The following ATXN10 variants were observed in gnomAD, a reference collection of about 807,000 sequenced individuals.
ATXN10 encodes ataxin 10.
A neutral mutation model predicts 52.9 loss-of-function variants in ATXN10; 28 were observed. The ratio of observed to expected loss-of-function variants is 0.53; its 90% CI spans 0.39 to 0.73. ATXN10 has a LOEUF of 0.73. Ranked by LOEUF, ATXN10 falls within the 30% of genes least tolerant of loss-of-function variation. The probability of loss-of-function intolerance (pLI) is 0.00; values close to 1 mark genes in which losing one functional copy is unlikely to be tolerated. For missense variants in ATXN10, 565 were observed against 577.0 expected (o/e 0.98, Z 0.21); for synonymous variants, 226 against 221.5 (o/e 1.02, Z -0.18).
intron 10 of ATXN10, among the ~76,000 whole-genome samples, chr22:45,836,631 G>A (rs1385538507): frequency 2.0e-5 from 3 of 152,168 alleles, no homozygotes; most frequent in Non-Finnish European, 4.4e-5. Context: ...ATGCACTGGG[G>A]TGAGATGGGG....
chr22:45,784,748 C>T lies in ATXN10; in HGVS notation c.1174-22211C>T, dbSNP rs1192052649. On this transcript the variant is annotated intron_variant, in intron 9 of 11. Coordinates refer to ENST00000252934, the MANE Select transcript of ATXN10 (RefSeq NM_013236.4). This position sits in a 1 kb window ranked among gnomAD's most constrained non-coding sequence, Gnocchi z 4.2. ...CTGAGGGCTGCTGTGTGGCAGATTC[C>T]CAGCACGGGCTGGACACTTGAGCTC... Among the ~76,000 whole-genome samples, 2 of 152,182 alleles carry T rather than the reference C, an allele frequency of 1.3e-5. No individual in the cohort carries two copies. Among genetic ancestry groups the T allele is most frequent in the Admixed American group, 6.5e-5 (1 of 15,276 alleles).
chr22:45,749,393 AAAG>A (rs1259767174), intron 9 of ATXN10, among the ~76,000 whole-genome samples: 1 of 152,188 alleles, frequency 6.6e-6, no homozygotes, highest in Non-Finnish European at 1.5e-5. Context: ...CGTCACCACA[AAAG>A]AAGATGTTTG....
At position 45,823,532 on chromosome 22, in the gene ATXN10, T is replaced by A. The variant is rs1928721620; in HGVS notation, c.1237+16510T>A. 1.3e-5 allele frequency among the ~76,000 whole-genome samples: 2 copies of A among 152,198 alleles called. No individual in the cohort carries two copies. The highest frequency in any genetic ancestry group is 2.9e-5 in the Non-Finnish European group (2 of 68,024). On this transcript the variant is annotated intron_variant, in intron 10 of 11. Transcript: ENST00000252934. This position sits in a 1 kb window ranked among gnomAD's most constrained non-coding sequence, Gnocchi z 4.9. Reference sequence around the variant, plus strand: ...GCAGGACCGCCTTGTCATAAATCATTGTCCTACAGGCATGATTCTGTTTCC... The same window carrying A: ...GCAGGACCGCCTTGTCATAAATCATAGTCCTACAGGCATGATTCTGTTTCC...
Position 45,744,644 on chromosome 22 carries a change from T to G in ATXN10, c.1173+4106T>G, listed in dbSNP as rs556082625. 2.6e-5 allele frequency: 4 copies of G among 152,222 alleles called. No individual in the cohort carries two copies. In the East Asian group the frequency reaches 7.7e-4, roughly 29 times the overall value. 9.4% of individuals were successfully genotyped at this position (152,222 alleles called of 1,614,324 possible). A position where few individuals can be genotyped will look rare whatever the true frequency, so the allele number is the denominator to read the frequency against. On this transcript the variant is annotated intron_variant, in intron 9 of 11. Coordinates refer to ENST00000252934, the MANE Select transcript of ATXN10 (RefSeq NM_013236.4). The surrounding 1 kb of genome is among the most constrained non-coding windows in gnomAD (Gnocchi z 4.9). The stretch of plus-strand genomic sequence containing the variant: ...CACTAGGAGCTGTAGCAAAAGTCCG[T>G]GTGGTGAGGCCTGTCAGAAAGGAAC...
In ATXN10 at chr22:45,835,260, G is replaced by C. The variant is rs1431046057; in HGVS notation, c.1238-7731G>C. On this transcript the variant is annotated intron_variant, in intron 10 of 11. Transcript: ENST00000252934. The surrounding 1 kb of genome is among the most constrained non-coding windows in gnomAD (Gnocchi z 5.0). ...TGCCTGGCGTGGGCTCATGGGTCCT[G>C]CTTTGCCTGGCGCGGGCGCTTGAGC... 2.0e-5 allele frequency among the ~76,000 whole-genome samples: 3 copies of C among 152,154 alleles called. No individual in the cohort carries two copies. The highest frequency in any genetic ancestry group is 1.5e-5 in the Non-Finnish European group (1 of 68,036).
intron 9 of ATXN10, among the ~76,000 whole-genome samples, chr22:45,758,373 A>T (rs1391734846): frequency 6.6e-6 from 1 of 152,232 alleles, no homozygotes; most frequent in African/African-American, 2.4e-5. Flanking sequence ...CAGAAAAACC[A>T]GTTTTACTTT....
intron 10 of ATXN10, among the ~76,000 whole-genome samples, chr22:45,815,993 T>C (rs1253127017): frequency 6.6e-6 from 1 of 152,174 alleles, no homozygotes; most frequent in East Asian, 1.9e-4. Flanking sequence ...CTCCTGCCTG[T>C]AATCCTAGCA....
intron 1 of ATXN10, among the ~76,000 whole-genome samples, chr22:45,680,461 T>C (rs781427037): frequency 6.6e-6 from 1 of 152,122 alleles, no homozygotes; most frequent in Non-Finnish European, 1.5e-5. Context: ...TTGCTAGAAA[T>C]TCACACAGAT....
intron 10 of ATXN10, among the ~76,000 whole-genome samples, chr22:45,808,116 C>T (rs1003955199): frequency 6.6e-6 from 1 of 152,118 alleles, no homozygotes; most frequent in Non-Finnish European, 1.5e-5. Context: ...TCAGAAGACT[C>T]CTCTGCAGGG....
At chr22:45,714,149 G>A (rs1260683850) in intron 5 of ATXN10, among the ~76,000 whole-genome samples, 4 of 152,164 alleles carry the variant, frequency 2.6e-5, no homozygotes, top group African/African-American at 7.2e-5. Flanking sequence ...GGATTTGCCA[G>A]TTCTGCCAAG....
At chr22:45,785,955 G>A (rs965553139) in intron 9 of ATXN10, among the ~76,000 whole-genome samples, 1 of 152,188 alleles carries the variant, frequency 6.6e-6, no homozygotes, top group Non-Finnish European at 1.5e-5. Flanking sequence ...GACAAATTTT[G>A]TAGCTATGCA....
chr22:45,823,489 C>T lies in ATXN10; in HGVS notation c.1237+16467C>T, dbSNP rs139953848. ...TTCCGTTTCAGTATTTAAAAACCTT[C>T]ATTTCACCCTTGGCTCTGCAGGACC... On this transcript the variant is annotated intron_variant, in intron 10 of 11. Coordinates refer to ENST00000252934, the MANE Select transcript of ATXN10 (RefSeq NM_013236.4). This position sits in a 1 kb window ranked among gnomAD's most constrained non-coding sequence, Gnocchi z 4.9. 6.6e-6 allele frequency among the ~76,000 whole-genome samples: 1 copy of T among 152,280 alleles called. No individual in the cohort carries two copies. Among genetic ancestry groups the T allele is most frequent in the East Asian group, 1.9e-4 (1 of 5,176 alleles).
chr22:45,719,199 A>G (rs996043781), intron 6 of ATXN10, among the ~76,000 whole-genome samples: 15 of 152,188 alleles, frequency 9.9e-5, no homozygotes, highest in Admixed American at 5.2e-4. Flanking sequence ...ATGTTGCCTT[A>G]GGAAAATAAC....
At chr22:45,793,370 T>C in intron 9 of ATXN10, 2 of 250,570 alleles carry the variant, frequency 8.0e-6, no homozygotes, top group Non-Finnish European at 1.5e-5. Flanking sequence ...TGTTCTGTGC[T>C]TTTCTGCTGT....
intron 9 of ATXN10, among the ~76,000 whole-genome samples, chr22:45,798,060 G>C (rs1927806932): frequency 6.6e-6 from 1 of 152,142 alleles, no homozygotes; most frequent in African/African-American, 2.4e-5. Flanking sequence ...AAAATCTCCA[G>C]GCACACATAG....
intron 6 of ATXN10, among the ~76,000 whole-genome samples, chr22:45,722,004 A>C (rs546512858): frequency 6.6e-6 from 1 of 152,346 alleles, no homozygotes; most frequent in East Asian, 1.9e-4. Flanking sequence ...GGAGAATTAG[A>C]AATAGAATGC....
rs1929364453 is a variant in ATXN10 at position 45,842,140 on chromosome 22, T to TA, written c.1238-850dup. Reference sequence around the variant, plus strand: ...CAGCCTCTCTTGGCAGTCTCTTACATATGTCCCTGGATCCAACCACTGAAG... The same window carrying TA: ...CAGCCTCTCTTGGCAGTCTCTTACATAATGTCCCTGGATCCAACCACTGAAG... On this transcript the variant is annotated intron_variant, in intron 10 of 11. Transcript: ENST00000252934. This position sits in a 1 kb window ranked among gnomAD's most constrained non-coding sequence, Gnocchi z 4.8. 6.6e-6 allele frequency among the ~76,000 whole-genome samples: 1 copy of TA among 152,196 alleles called. No homozygotes were observed. Among genetic ancestry groups the TA allele is most frequent in the Non-Finnish European group, 1.5e-5 (1 of 68,032 alleles).
rs1237960728 is a variant in ATXN10 at position 45,718,427 on chromosome 22, C to A, written c.662C>A (p.Thr221Lys). The change falls in exon 6 of 12, where the codon ACA (threonine) becomes AAA (lysine). Residue 221 changes from threonine (T) to lysine (K), a missense_variant. By Grantham distance (78) the Thr-to-Lys change is moderately conservative (BLOSUM62 -1). Coordinates refer to ENST00000252934, the MANE Select transcript of ATXN10 (RefSeq NM_013236.4). This position sits in a 1 kb window ranked among gnomAD's most constrained non-coding sequence, Gnocchi z 4.4. ...PESEWPFLII[T>K]DLFLKSPELV... ...TTTTTCCCTAGGTTCTTGATTATTACAGACCTCTTTCTGAAAAGCCCGGAA... is the reference window on the plus strand; with the variant it reads ...TTTTTCCCTAGGTTCTTGATTATTAAAGACCTCTTTCTGAAAAGCCCGGAA... 6.2e-7 allele frequency: 1 copy of A among 1,613,286 alleles called. No homozygotes were observed. Among genetic ancestry groups the A allele is most frequent in the African/African-American group, 1.3e-5 (1 of 74,858 alleles).
At chr22:45,834,210 A>G (rs886653709) in intron 10 of ATXN10, among the ~76,000 whole-genome samples, 1 of 152,218 alleles carries the variant, frequency 6.6e-6, no homozygotes, top group African/African-American at 2.4e-5. Context: ...CTTTGCTTGC[A>G]TTGAGAGTGG....
Sources: gnomAD v4.1 joint callset for allele counts (sites outside exome capture counted in the v4.1 genomes callset) on GRCh38, gnomAD v4.1.1 for gene constraint, Gnocchi (gnomAD v3.1) non-coding constraint, MANE v1.5 for transcripts, NCBI Gene and HGNC (gene_info 2026-07-23, HGNC 2026-07-21) for gene names.